Variants in PSG8 observed in about 807,000 individuals in gnomAD.
The protein encoded by PSG8 is pregnancy specific beta-1-glycoprotein 8, also known as pregnancy-specific beta-1-glycoprotein 8.
A neutral mutation model predicts 42.5 loss-of-function variants in PSG8; 57 were observed. The observed-to-expected ratio is 1.34, with a 90% CI of 1.08 to 1.67. The LOEUF (loss-of-function observed/expected upper bound fraction) is 1.67, where lower values mean the gene tolerates loss of function less well. Ranked by LOEUF, PSG8 falls within the 40% of genes most tolerant of loss-of-function variation. The pLI, the probability that PSG8 is intolerant of heterozygous loss-of-function variation, is 0.00. For synonymous variants in PSG8, 280 were observed against 196.8 expected, an observed-to-expected ratio of 1.42 and a Z score of -3.54; for missense variants, 783 against 518.6, an observed-to-expected ratio of 1.51 and a Z score of -4.95.
At position 42,764,007 on chromosome 19, in the gene PSG8, G is replaced by C. The variant is rs115679481; in HGVS notation, c.339C>G (p.Thr113=). The part of the protein sequence containing the change: ...SNASLLIQNV[T]QEDAGSYTLH... ...AGGTGTAGGATCCTGCGTCTTCCTG[G>C]GTGACATTCTGGATCAGCAGGGATG... The change falls in exon 2 of 5, where the codon ACC becomes ACG. Residue 113 remains threonine, a synonymous_variant. Coordinates refer to ENST00000306511, the MANE Select transcript of PSG8 (RefSeq NM_182707.3). 2.5e-6 allele frequency: 4 copies of C among 1,611,762 alleles called. No individual in the cohort carries two copies. Among genetic ancestry groups the C allele is most frequent in the African/African-American group, 1.3e-5 (1 of 74,388 alleles).
At chr19:42,759,255 T>A (rs904210175) in intron 2 of PSG8, among the ~76,000 whole-genome samples, 1 of 152,136 alleles carries the variant, frequency 6.6e-6, no homozygotes, top group African/African-American at 2.4e-5. Flanking sequence ...TTGACTACTC[T>A]ATGTACCTGA....
chr19:42,763,207 C>G (rs937021841), intron 2 of PSG8, among the ~76,000 whole-genome samples: 3 of 152,156 alleles, frequency 2.0e-5, no homozygotes, highest in African/African-American at 7.2e-5. Context: ...CCAGGTACAT[C>G]TTCTCTCTTG....
chr19:42,752,941 A>T (rs1167129429), downstream of PSG8: 4 of 347,146 alleles, frequency 1.2e-5, no homozygotes, highest in Non-Finnish European at 2.1e-5. Flanking sequence ...CTGAGATGTT[A>T]TGTAAAAGTT....
chr19:42,765,600 G>C lies in PSG8; in HGVS notation c.-19C>G, dbSNP rs1568381976. On this transcript the variant is annotated 5_prime_UTR_variant, in exon 1 of 5. Coordinates refer to ENST00000306511, the MANE Select transcript of PSG8 (RefSeq NM_182707.3). ...GCCCCATGGTCTCTGCTGTCTGTGT[G>C]TTCTCCTCTGTGGAGATGAGCCTAG... 6.2e-7 allele frequency: 1 copy of C among 1,608,944 alleles called. No individual in the cohort carries two copies. Among genetic ancestry groups the C allele is most frequent in the East Asian group, 2.2e-5 (1 of 44,842 alleles).
intron 1 of PSG8, 69 bp from the exon 2 acceptor site, chr19:42,764,350 G>T (rs951857120): frequency 1.3e-6 from 2 of 1,550,110 alleles, no homozygotes; most frequent in African/African-American, 2.8e-5. Flanking sequence ...GGGGCCCTGG[G>T]TCCTGAGAAG....
At chr19:42,762,358 G>A (rs1052860184) in intron 2 of PSG8, among the ~76,000 whole-genome samples, 5 of 152,022 alleles carry the variant, frequency 3.3e-5, no homozygotes, top group Admixed American at 1.3e-4. Context: ...CCCTCCAGTG[G>A]CCAAAGAGCT....
In PSG8 at chr19:42,754,614, G is replaced by T. The variant is rs764134776; in HGVS notation, c.989-27C>A. On this transcript the variant is annotated intron_variant, in intron 4 of 4. Coordinates refer to ENST00000306511, the MANE Select transcript of PSG8 (RefSeq NM_182707.3). Reference sequence around the variant, plus strand: ...TGGAGCAAAGAGAATAAAGCCACAGGTGATGTCATCTGAGGGAAGGGGATG... The same window carrying T: ...TGGAGCAAAGAGAATAAAGCCACAGTTGATGTCATCTGAGGGAAGGGGATG... 74 of 1,599,742 alleles carry T rather than the reference G, an allele frequency of 4.6e-5. No homozygotes were observed. The Admixed American group carries it at 9.6e-4, about 21-fold the overall frequency.
Position 42,762,874 on chromosome 19 carries a change from G to C in PSG8, c.430+1042C>G, listed in dbSNP as rs376626295. On this transcript the variant is annotated intron_variant, in intron 2 of 4. Transcript: ENST00000306511. ...ATAAATGACTATGGGGTGCTTGGAAGCCAGTGAGCCCTCACTTCTGGTGGA... is the reference window on the plus strand; with the variant it reads ...ATAAATGACTATGGGGTGCTTGGAACCCAGTGAGCCCTCACTTCTGGTGGA... Among the ~76,000 whole-genome samples, 4 of 152,256 alleles carry C rather than the reference G, an allele frequency of 2.6e-5. No homozygotes were observed. The East Asian group carries it at 5.8e-4, about 22-fold the overall frequency.
intron 2 of PSG8, among the ~76,000 whole-genome samples, chr19:42,762,477 G>T (rs1451358163): frequency 2.0e-5 from 3 of 152,054 alleles, no homozygotes; most frequent in Non-Finnish European, 4.4e-5. Flanking sequence ...GAAACTCCTA[G>T]GATTCTGCAT....
intron 2 of PSG8, among the ~76,000 whole-genome samples, chr19:42,761,721 C>A (rs1177991038): frequency 2.0e-5 from 3 of 151,678 alleles, no homozygotes; most frequent in Non-Finnish European, 2.9e-5. Flanking sequence ...CCCTGATCCA[C>A]TGGGGAGGCT....
At chr19:42,763,446 C>G (rs958041862) in intron 2 of PSG8, among the ~76,000 whole-genome samples, 5 of 152,150 alleles carry the variant, frequency 3.3e-5, no homozygotes, top group Non-Finnish European at 4.4e-5. Context: ...CCCAGTAAGC[C>G]CTGCCCAAGA....
At chr19:42,762,411 G>T (rs536901734) in intron 2 of PSG8, among the ~76,000 whole-genome samples, 2 of 152,204 alleles carry the variant, frequency 1.3e-5, no homozygotes, top group East Asian at 3.9e-4. Flanking sequence ...GCAAGAGGTA[G>T]TGGGGGGATG....
chr19:42,754,630 G>C, intron 4 of PSG8, 43 bp from the exon 5 acceptor site: 1 of 1,584,034 alleles, frequency 6.3e-7, no homozygotes, highest in Admixed American at 1.7e-5. Context: ...TCATCTGAGG[G>C]AAGGGGATGT....
At chr19:42,765,173 G>C (rs530919544) in intron 1 of PSG8, among the ~76,000 whole-genome samples, 234 of 143,818 alleles carry the variant, frequency 1.6e-3, no homozygotes, top group African/African-American at 6.0e-3. Flanking sequence ...TTTTTTTTGA[G>C]ATGGAGTCTC....
chr19:42,761,820 ATTTTTTTT>A (rs58868359), intron 2 of PSG8, among the ~76,000 whole-genome samples: 196 of 70,406 alleles, frequency 2.8e-3, no homozygotes, highest in African/African-American at 8.5e-3. Flanking sequence ...CATTTCAATA[ATTTTTTTT>A]TTTTTTTTTT....
In PSG8 at chr19:42,764,172, C is replaced by G. The variant is rs138853785; in HGVS notation, c.174G>C (p.Leu58Phe). 9.3e-6 allele frequency: 15 copies of G among 1,613,688 alleles called. No individual in the cohort carries two copies. The Admixed American group carries it at 2.5e-4, about 27-fold the overall frequency. ...GKDVLLLVHN[L>F]PQNLTGYIWY... is the part of the protein sequence containing the mutation. ...AGATGTAGCCAGTAAGATTCTGGGG[C>G]AAATTGTGGACAAGTAGAAGAACAT... is the stretch of plus-strand genomic sequence containing the variant. The change falls in exon 2 of 5, where the codon TTG becomes TTC. Residue 58 changes from leucine to phenylalanine, a missense_variant. Transcript: ENST00000306511.
Position 42,757,994 on chromosome 19 carries a change from A to G in PSG8, c.709+8T>C. On this transcript the variant is annotated splice_region_variant and intron_variant, in intron 3 of 4. Transcript: ENST00000306511. ...AGCCTGGCTCACAGAGGAACAGAAA[A>G]TACTCACGGAGGAGATTCAGGGTGA... 6.2e-7 allele frequency: 1 copy of G among 1,613,980 alleles called. No homozygotes were observed. The highest frequency in any genetic ancestry group is 8.5e-7 in the Non-Finnish European group (1 of 1,179,952).
rs967991530 is a variant in PSG8, at chr19:42,758,040, C to T, written c.671G>A (p.Ser224Asn). 1 of 1,613,916 alleles carries T rather than the reference C, an allele frequency of 6.2e-7. No individual in the cohort carries two copies. The highest frequency in any genetic ancestry group is 8.5e-7 in the Non-Finnish European group (1 of 1,179,972). ...GGTGAATGGGTCACTGCGGCTGGCA[C>T]TCACTGGGTTCCGTATTTCACATTC... ...PYECEIRNPV[S>N]ASRSDPFTLN... Residue 224 changes from serine to asparagine, a missense_variant, in exon 3 of 5, where the codon AGT becomes AAT. Transcript: ENST00000306511.
intron 2 of PSG8, among the ~76,000 whole-genome samples, chr19:42,761,855 G>A (rs796519242): frequency 6.3e-3 from 67 of 10,576 alleles, no homozygotes; most frequent in Non-Finnish European, 0.016. Flanking sequence ...TTTTTTTTGT[G>A]CAGGAGGCCA....
Sources: allele counts gnomAD v4.1 joint callset (sites outside exome capture counted in the v4.1 genomes callset), GRCh38; gene constraint gnomAD v4.1.1; transcripts MANE v1.5; gene names NCBI Gene and HGNC (gene_info 2026-07-23, HGNC 2026-07-21).